Variants in UPRT observed in about 807,000 individuals in gnomAD.
UPRT encodes uracil phosphoribosyltransferase homolog.
A neutral mutation model predicts 22.6 loss-of-function variants in UPRT; 5 were observed. The ratio of observed to expected loss-of-function variants is 0.22; its 90% CI spans 0.12 to 0.47. The LOEUF (loss-of-function observed/expected upper bound fraction) is 0.47, where lower values mean the gene tolerates loss of function less well. Among genes scored for constraint, UPRT ranks in the 20% least tolerant of loss-of-function variants. UPRT has a pLI of 0.99. For synonymous variants in UPRT, 77 were observed against 87.7 expected (o/e 0.88, Z 0.68); for missense variants, 181 against 239.9 (o/e 0.75, Z 1.62).
At chrX:75,197,873 CA>C (rs1261321890) in intron 4 of UPRT, among the ~76,000 whole-genome samples, 2 of 112,572 alleles carry the variant, frequency 1.8e-5, no homozygotes, top group Non-Finnish European at 3.8e-5. Flanking sequence ...AACCTTCACA[CA>C]TTTCTGATTG....
intron 4 of UPRT, among the ~76,000 whole-genome samples, chrX:75,172,080 C>A (rs1201678926): frequency 1.8e-5 from 2 of 112,134 alleles, no homozygotes; most frequent in Admixed American, 9.4e-5. Context: ...ACATGGCAGG[C>A]TTTCAAGAGA....
Position 75,158,964 on chromosome X carries a change from T to A in UPRT, c.-736-1586T>A, listed in dbSNP as rs567096617. 4.5e-5 allele frequency among the ~76,000 whole-genome samples: 5 copies of A among 111,884 alleles called. No individual in the cohort carries two copies. The South Asian group carries it at 1.9e-3, about 42-fold the overall frequency. On this transcript the variant is annotated intron_variant, in intron 1 of 13. Coordinates refer to the UPRT transcript ENST00000652605. Reference sequence around the variant, plus strand: ...AGCATTGGCATTACTTGAGAGGTTGTTAGAACTGCAGAATCTTTTTTAGCT... The same window carrying A: ...AGCATTGGCATTACTTGAGAGGTTGATAGAACTGCAGAATCTTTTTTAGCT...
At chrX:75,186,327 C>T (rs1347096463) in intron 4 of UPRT, among the ~76,000 whole-genome samples, 7 of 111,608 alleles carry the variant, frequency 6.3e-5, no homozygotes, top group African/African-American at 2.0e-4. Flanking sequence ...TGTAGTTGAG[C>T]AGTTTTGAGT....
At chrX:75,191,225 G>C (rs1251565451) in intron 4 of UPRT, among the ~76,000 whole-genome samples, 1 of 112,333 alleles carries the variant, frequency 8.9e-6, no homozygotes, top group Non-Finnish European at 1.9e-5. Context: ...AGGTCTGTTG[G>C]AGTTTGCTGG....
At position 75,160,920 on chromosome X, in the gene UPRT, G is replaced by A. The variant is rs1334585415; in HGVS notation, c.-615+249G>A. ...TTGAAAAGTATATGTATGTACTTGC[G>A]TTGATACTGTATATGGGAAAGTATA... On this transcript the variant is annotated intron_variant, in intron 2 of 13. Coordinates refer to the UPRT transcript ENST00000652605. 3.6e-5 allele frequency among the ~76,000 whole-genome samples: 4 copies of A among 111,870 alleles called. No individual in the cohort carries two copies. The South Asian group carries it at 1.5e-3, about 42-fold the overall frequency.
intron 4 of UPRT, among the ~76,000 whole-genome samples, chrX:75,216,991 T>G (rs753647285): frequency 1.3e-4 from 15 of 111,800 alleles, no homozygotes; most frequent in Admixed American, 1.3e-3. Flanking sequence ...CCTGACCTCA[T>G]GATCCGCCTG....
At chrX:75,244,815 A>G (rs1215747687) in intron 4 of UPRT, among the ~76,000 whole-genome samples, 1 of 111,611 alleles carries the variant, frequency 9.0e-6, no homozygotes, top group Non-Finnish European at 1.9e-5. Flanking sequence ...ACAACCATAA[A>G]AAAAACCCTG....
intron 3 of UPRT, among the ~76,000 whole-genome samples, chrX:75,163,932 C>T (rs749247265): frequency 9.0e-6 from 1 of 111,247 alleles, no homozygotes; most frequent in South Asian, 3.8e-4. Flanking sequence ...AATCGCAGCA[C>T]TTTGGGAGGT....
At chrX:75,236,354 G>A (rs1435396469) in intron 4 of UPRT, among the ~76,000 whole-genome samples, 1 of 111,613 alleles carries the variant, frequency 9.0e-6, no homozygotes, top group Non-Finnish European at 1.9e-5. Flanking sequence ...AATGAATATT[G>A]TGAAAATGGC....
At chrX:75,241,100 TG>T (rs1264063678) in intron 4 of UPRT, among the ~76,000 whole-genome samples, 1 of 15,850 alleles carries the variant, frequency 6.3e-5, no homozygotes, top group Non-Finnish European at 6.2e-4. Context: ...AAAAAGCTTC[TG>T]CACAGAAAAA....
intron 4 of UPRT, among the ~76,000 whole-genome samples, chrX:75,221,385 T>G (rs369274125): frequency 2.4e-3 from 272 of 111,700 alleles, no homozygotes; most frequent in Non-Finnish European, 3.4e-3. Context: ...AAATTCTCTG[T>G]TATCATCCCT....
intron 4 of UPRT, among the ~76,000 whole-genome samples, chrX:75,267,255 G>A (rs902342242): frequency 8.9e-6 from 1 of 111,900 alleles, no homozygotes; most frequent in African/African-American, 3.3e-5. Flanking sequence ...CATAAAAAAG[G>A]ATGAGCTCAT....
At chrX:75,198,906 C>T (rs1478491315) in intron 4 of UPRT, among the ~76,000 whole-genome samples, 4 of 111,453 alleles carry the variant, frequency 3.6e-5, no homozygotes, top group Non-Finnish European at 7.5e-5. Context: ...TTGTATTGAA[C>T]CTAGTGGTGC....
chrX:75,234,922 G>A (rs779275163), intron 4 of UPRT, among the ~76,000 whole-genome samples: 2 of 111,470 alleles, frequency 1.8e-5, no homozygotes, highest in South Asian at 7.5e-4. Flanking sequence ...CAGAAGGCAA[G>A]AAATAACTAA....
intron 4 of UPRT, among the ~76,000 whole-genome samples, chrX:75,265,004 G>A (rs781732821): frequency 4.5e-5 from 5 of 111,502 alleles, no homozygotes; most frequent in Non-Finnish European, 9.4e-5. Context: ...GTTGAATATC[G>A]GCCCCCACTC....
intron 4 of UPRT, among the ~76,000 whole-genome samples, chrX:75,236,525 A>G (rs1017426408): frequency 6.3e-5 from 7 of 111,976 alleles, no homozygotes; most frequent in African/African-American, 2.3e-4. Context: ...AGCTGGAGGT[A>G]TCGCACTACC....
intron 4 of UPRT, among the ~76,000 whole-genome samples, chrX:75,231,703 G>C (rs960225120): frequency 1.5e-4 from 17 of 111,957 alleles, no homozygotes; most frequent in African/African-American, 5.2e-4. Flanking sequence ...TGAAGCAAAA[G>C]GATCAGGTAA....
chrX:75,296,265 C>A, intron 2 of UPRT, 77 bp from the exon 3 acceptor site: 1 of 1,008,760 alleles, frequency 9.9e-7, no homozygotes, highest in Non-Finnish European at 1.4e-6. Context: ...ACTCTGCCTA[C>A]TGTTCAGCTC....
chrX:75,194,689 T>C (rs150361096), intron 4 of UPRT, among the ~76,000 whole-genome samples: 3,177 of 111,110 alleles, frequency 0.029, 116 homozygotes, highest in African/African-American at 0.1. Flanking sequence ...ACACGGGTGA[T>C]GGTGCCTGCT....
Sources: gnomAD v4.1 joint callset for allele counts (sites outside exome capture counted in the v4.1 genomes callset) on GRCh38, gnomAD v4.1.1 for gene constraint, MANE v1.5 for transcripts, NCBI Gene and HGNC (gene_info 2026-07-23, HGNC 2026-07-21) for gene names.